AHI1: variants seen among roughly 807,000 people sequenced by gnomAD.
AHI1 encodes jouberin.
Under a neutral mutation model 149.3 loss-of-function variants are expected in AHI1, and 123 were observed. The ratio of observed to expected loss-of-function variants is 0.82; its 90% CI spans 0.71 to 0.96. AHI1 has a LOEUF of 0.96. AHI1 is among the 40% of genes least tolerant of loss of function. The pLI, the probability that AHI1 is intolerant of heterozygous loss-of-function variation, is 0.00. For missense variants in AHI1, 1,439 were observed against 1,422.7 expected (o/e 1.01, Z -0.18); for synonymous variants, 475 against 459.8 (o/e 1.03, Z -0.42).
At position 135,430,016 on chromosome 6, in the gene AHI1, A is replaced by G. The variant is rs775777106; in HGVS notation, c.2374-16T>C. On this transcript the variant is annotated splice_polypyrimidine_tract_variant and intron_variant, in intron 17 of 28. Transcript: ENST00000265602. ...CTTTAATTTCCTAAAATGATTAAAA[A>G]AAATACTACTACTGAAAAGTTTGTC... 60 of 1,367,412 alleles carry G rather than the reference A, an allele frequency of 4.4e-5. No homozygotes were observed. The highest frequency in any genetic ancestry group is 6.6e-5 in the Admixed American group (3 of 45,320). The allele number at this position is 1,367,412 out of a possible 1,614,324, so 84.7% of individuals were successfully genotyped here.
At chr6:135,295,820 C>T (rs149784335) in intron 27 of AHI1, among the ~76,000 whole-genome samples, 42 of 152,154 alleles carry the variant, frequency 2.8e-4, no homozygotes, top group Middle Eastern at 6.8e-3. Context: ...GGGTATTTAC[C>T]CATGTCGAAA....
intron 14 of AHI1, among the ~76,000 whole-genome samples, chr6:135,439,581 A>G (rs747872983): frequency 1.3e-5 from 2 of 152,234 alleles, no homozygotes; most frequent in East Asian, 1.9e-4. Context: ...AAAAAAAATC[A>G]TATGTTGAGG....
chr6:135,493,972 T>C (rs1458751643), intron 3 of AHI1, among the ~76,000 whole-genome samples: 1 of 152,074 alleles, frequency 6.6e-6, no homozygotes, highest in East Asian at 1.9e-4. Flanking sequence ...GAACCTGAAA[T>C]GTGGAGGTTG....
intron 23 of AHI1, among the ~76,000 whole-genome samples, chr6:135,387,543 G>A (rs1036643319): frequency 2.6e-5 from 4 of 152,040 alleles, no homozygotes; most frequent in Non-Finnish European, 5.9e-5. Context: ...GTGTTCTAGT[G>A]GATTACTCAA....
intron 20 of AHI1, among the ~76,000 whole-genome samples, chr6:135,423,535 T>C (rs1783514814): frequency 6.6e-6 from 1 of 152,200 alleles, no homozygotes; most frequent in Admixed American, 6.5e-5. Flanking sequence ...TATCATTAAT[T>C]AATATGAATT....
chr6:135,321,802 A>G (rs1786870466), intron 25 of AHI1, among the ~76,000 whole-genome samples: 1 of 151,896 alleles, frequency 6.6e-6, no homozygotes, highest in African/African-American at 2.4e-5. Flanking sequence ...CTATACTACA[A>G]CTTTTTTTTC....
intron 5 of AHI1, among the ~76,000 whole-genome samples, chr6:135,477,191 A>G (rs1205750596): frequency 6.6e-6 from 1 of 151,528 alleles, no homozygotes; most frequent in Non-Finnish European, 1.5e-5. Flanking sequence ...CAGGCGCCCA[A>G]CACCACGCCC....
At chr6:135,440,483 T>C (rs1346174315) in intron 14 of AHI1, among the ~76,000 whole-genome samples, 1 of 152,096 alleles carries the variant, frequency 6.6e-6, no homozygotes, top group Non-Finnish European at 1.5e-5. Flanking sequence ...AGGATTCCCA[T>C]CCATGTATGT....
At position 135,404,942 on chromosome 6, in the gene AHI1, A is replaced by G; in HGVS notation, c.2988+9T>C. On this transcript the variant is annotated intron_variant, in intron 22 of 28. Coordinates refer to ENST00000265602, the MANE Select transcript of AHI1 (RefSeq NM_001134831.2). The stretch of plus-strand genomic sequence containing the variant: ...TGAAGTTATCTTCCTGGTAATAAAA[A>G]CTACTTACTTTTGCAGCACAGGAAC... The G allele has an allele frequency of 6.2e-7, 1 of 1,607,462 alleles. No homozygotes were observed. Among genetic ancestry groups the G allele is most frequent in the Non-Finnish European group, 8.5e-7 (1 of 1,174,516 alleles).
chr6:135,313,801 A>G (rs929987119), intron 26 of AHI1, among the ~76,000 whole-genome samples: 19 of 152,190 alleles, frequency 1.2e-4, no homozygotes, highest in Non-Finnish European at 2.5e-4. Flanking sequence ...CACAGGTAAG[A>G]CACTGACAGA....
intron 11 of AHI1, among the ~76,000 whole-genome samples, chr6:135,449,788 G>A (rs746768410): frequency 2.0e-5 from 3 of 152,160 alleles, no homozygotes; most frequent in Admixed American, 6.5e-5. Flanking sequence ...TAACCAATAC[G>A]GAATCCACAT....
chr6:135,456,029 CATA>C (rs1788888981), intron 9 of AHI1, 103 bp from the exon 10 acceptor site: 1 of 708,472 alleles, frequency 1.4e-6, no homozygotes, highest in Non-Finnish European at 2.0e-6. Context: ...AATGAATAGT[CATA>C]ATAATACAAA....
chr6:135,406,851 A>G (rs547115021), intron 21 of AHI1, among the ~76,000 whole-genome samples: 4 of 152,218 alleles, frequency 2.6e-5, no homozygotes, highest in South Asian at 4.2e-4. Flanking sequence ...TCATTTGTTA[A>G]TCAACTTTTT....
At chr6:135,435,882 T>C (rs1218847387) in intron 15 of AHI1, among the ~76,000 whole-genome samples, 1 of 152,040 alleles carries the variant, frequency 6.6e-6, no homozygotes, top group Non-Finnish European at 1.5e-5. Context: ...TTAGTGCTAG[T>C]TAGATGTGAA....
intron 28 of AHI1, among the ~76,000 whole-genome samples, chr6:135,289,197 T>C (rs1232061154): frequency 6.6e-6 from 1 of 151,298 alleles, no homozygotes; most frequent in Non-Finnish European, 1.5e-5. Context: ...TTTTTATTTG[T>C]TAAGGGTATT....
At chr6:135,496,466 C>T (rs572160467) in intron 2 of AHI1, among the ~76,000 whole-genome samples, 1 of 152,222 alleles carries the variant, frequency 6.6e-6, no homozygotes, top group South Asian at 2.1e-4. Context: ...GAATTAACGG[C>T]TAATATTTGA....
intron 27 of AHI1, among the ~76,000 whole-genome samples, chr6:135,296,706 T>C (rs923201476): frequency 6.6e-6 from 1 of 152,196 alleles, no homozygotes; most frequent in Admixed American, 6.5e-5. Context: ...CCATGCTTTA[T>C]TTTTCTCCAT....
chr6:135,396,562 GAAGT>G (rs1481266423), intron 22 of AHI1, among the ~76,000 whole-genome samples: 1 of 151,800 alleles, frequency 6.6e-6, no homozygotes, highest in Non-Finnish European at 1.5e-5. Flanking sequence ...AACATCACTA[GAAGT>G]AAGGGTAATT....
chr6:135,344,232 T>C (rs1790812737), intron 24 of AHI1, among the ~76,000 whole-genome samples: 1 of 151,886 alleles, frequency 6.6e-6, no homozygotes. Flanking sequence ...CATTTGTAGT[T>C]GGCTGAATCT....
Sources: gnomAD v4.1 joint callset for allele counts (sites outside exome capture counted in the v4.1 genomes callset) on GRCh38, gnomAD v4.1.1 for gene constraint, MANE v1.5 for transcripts, NCBI Gene and HGNC (gene_info 2026-07-23, HGNC 2026-07-21) for gene names.